RBM19: variants seen among roughly 807,000 people sequenced by gnomAD.
RBM19 encodes the protein probable RNA-binding protein 19.
In RBM19, 94 loss-of-function variants were observed where a neutral mutation model predicts 116.8. The ratio of observed to expected loss-of-function variants is 0.80; its 90% CI spans 0.68 to 0.95. The LOEUF (loss-of-function observed/expected upper bound fraction) is 0.95. Among genes scored for constraint, RBM19 ranks in the 40% least tolerant of loss-of-function variants. The pLI is 0.00. For synonymous variants in RBM19, 475 were observed against 494.1 expected (o/e 0.96, Z 0.51); for missense variants, 1,161 against 1,220.7 (o/e 0.95, Z 0.73).
intron 21 of RBM19, among the ~76,000 whole-genome samples, chr12:113,896,740 G>T (rs16943354): frequency 6.6e-6 from 1 of 152,118 alleles, no homozygotes; most frequent in Non-Finnish European, 1.5e-5. Context: ...TGAAATGTAC[G>T]AAGAGTCGAA....
chr12:113,924,654 T>G, intron 18 of RBM19, 43 bp downstream of exon 18: 2 of 1,499,960 alleles, frequency 1.3e-6, no homozygotes, highest in South Asian at 1.1e-5. Flanking sequence ...ATCCACTCTT[T>G]CCGGCTGAAT....
rs191150568 is a variant in RBM19 at position 113,902,623 on chromosome 12, G to A, written c.2558+12346C>T. 2.6e-3 allele frequency among the ~76,000 whole-genome samples: 376 copies of A among 146,586 alleles called. 4 individuals are homozygous for A. The highest frequency in any genetic ancestry group is 8.6e-3 in the African/African-American group (347 of 40,356). On this transcript the variant is annotated intron_variant, in intron 21 of 23. Coordinates refer to ENST00000261741, the MANE Select transcript of RBM19 (RefSeq NM_016196.4). ...CAAAAAAAAAAAAAAAAAAGACAACGTTATATAAATGGAATCACACAGTAT... is the reference window on the plus strand; with the variant it reads ...CAAAAAAAAAAAAAAAAAAGACAACATTATATAAATGGAATCACACAGTAT...
chr12:113,885,374 C>T (rs768177518), intron 21 of RBM19, among the ~76,000 whole-genome samples: 88 of 151,932 alleles, frequency 5.8e-4, no homozygotes, highest in Non-Finnish European at 7.5e-4. Context: ...CTGTCAGGGT[C>T]GTGAAAAAGA....
At chr12:113,835,451 G>T (rs999311937) in intron 23 of RBM19, among the ~76,000 whole-genome samples, 4 of 152,192 alleles carry the variant, frequency 2.6e-5, no homozygotes, top group African/African-American at 9.7e-5. Context: ...GGAGGACCAG[G>T]GGAGGGGCAT....
intron 16 of RBM19, among the ~76,000 whole-genome samples, chr12:113,935,016 A>G (rs1869925843): frequency 1.3e-5 from 2 of 152,212 alleles, no homozygotes; most frequent in African/African-American, 4.8e-5. Flanking sequence ...CCCTGCCTTC[A>G]CGGCTCAAAG....
At chr12:113,953,392 G>A (rs1871637320) in intron 7 of RBM19, among the ~76,000 whole-genome samples, 1 of 152,192 alleles carries the variant, frequency 6.6e-6, no homozygotes, top group African/African-American at 2.4e-5. Context: ...AGAGGCTGAG[G>A]CAGGAGAATC....
exon 25 of RBM19, chr12:113,816,937 C>T (rs550285316): frequency 3.3e-5 from 5 of 152,158 alleles, no homozygotes; most frequent in Non-Finnish European, 5.9e-5. Flanking sequence ...AGCATGCGCT[C>T]ACTCTCCCTT....
chr12:113,863,689 T>C (rs1171122948), intron 21 of RBM19, among the ~76,000 whole-genome samples: 1 of 152,088 alleles, frequency 6.6e-6, no homozygotes, highest in Non-Finnish European at 1.5e-5. Flanking sequence ...ACCCAAGGCA[T>C]TGTTGAGAAA....
intron 16 of RBM19, 21 bp from the exon 17 acceptor site, chr12:113,927,250 A>G: frequency 6.5e-7 from 1 of 1,538,528 alleles, no homozygotes. Flanking sequence ...ATCAAAACAA[A>G]AACAAAAACA....
intron 23 of RBM19, among the ~76,000 whole-genome samples, chr12:113,828,099 C>CAAA (rs34234377): frequency 2.2e-4 from 15 of 67,258 alleles, no homozygotes; most frequent in Non-Finnish European, 2.3e-4. Flanking sequence ...GACTCTGTCT[C>CAAA]AAAAAAAAAA....
At chr12:113,843,292 G>A (rs1275843290) in intron 23 of RBM19, among the ~76,000 whole-genome samples, 6 of 152,326 alleles carry the variant, frequency 3.9e-5, no homozygotes, top group Middle Eastern at 3.4e-3. Context: ...CCCCTAGTCT[G>A]TACCCAGGTG....
chr12:113,909,064 T>C (rs1179417410), intron 21 of RBM19, among the ~76,000 whole-genome samples: 5 of 152,200 alleles, frequency 3.3e-5, no homozygotes, highest in Admixed American at 1.3e-4. Context: ...TGAGCTACCC[T>C]GGACAGGGGT....
At chr12:113,905,339 A>C (rs757299578) in intron 21 of RBM19, among the ~76,000 whole-genome samples, 16 of 152,222 alleles carry the variant, frequency 1.1e-4, no homozygotes, top group Non-Finnish European at 1.5e-4. Flanking sequence ...TCAATGCTGC[A>C]GAGGGAGGGG....
intron 14 of RBM19, among the ~76,000 whole-genome samples, chr12:113,941,133 G>C (rs997255142): frequency 9.9e-5 from 15 of 152,078 alleles, no homozygotes; most frequent in African/African-American, 3.6e-4. Context: ...TGTTTCTGTG[G>C]GCCTCAATTT....
At chr12:113,842,402 AC>A in intron 23 of RBM19, among the ~76,000 whole-genome samples, 1 of 152,388 alleles carries the variant, frequency 6.6e-6, no homozygotes, top group South Asian at 2.1e-4. Context: ...GTCGATAAGG[AC>A]AGGCTCTCTT....
chr12:113,912,935 GAA>G (rs1882535765), intron 21 of RBM19, among the ~76,000 whole-genome samples: 1 of 152,110 alleles, frequency 6.6e-6, no homozygotes, highest in Admixed American at 6.5e-5. Context: ...CAGCCGGAGT[GAA>G]CAACAATAGC....
chr12:113,960,661 G>A (rs1390677097), intron 2 of RBM19, among the ~76,000 whole-genome samples: 2 of 152,136 alleles, frequency 1.3e-5, no homozygotes, highest in Non-Finnish European at 2.9e-5. Context: ...CTGTGAGGAT[G>A]GCATGAGATG....
At chr12:113,952,308 A>T (rs1338943994) in intron 8 of RBM19, among the ~76,000 whole-genome samples, 1 of 152,106 alleles carries the variant, frequency 6.6e-6, no homozygotes, top group Non-Finnish European at 1.5e-5. Context: ...ACAGGTGAGA[A>T]CTCCATCCCT....
intron 13 of RBM19, 97 bp downstream of exon 13, chr12:113,945,731 C>G: frequency 9.4e-7 from 1 of 1,065,342 alleles, no homozygotes; most frequent in South Asian, 1.5e-5. Context: ...CCTGGCGGCC[C>G]CAGCCTCACA....
Sources: gnomAD v4.1 joint callset for allele counts (sites outside exome capture counted in the v4.1 genomes callset) on GRCh38, gnomAD v4.1.1 for gene constraint, MANE v1.5 for transcripts, NCBI Gene and HGNC (gene_info 2026-07-23, HGNC 2026-07-21) for gene names.